SERPINE2: variants seen among roughly 807,000 people sequenced by gnomAD.
The protein encoded by SERPINE2 is glia-derived nexin.
Under a neutral mutation model 36.3 loss-of-function variants are expected in SERPINE2, and 14 were observed. The observed-to-expected ratio is 0.39, with a 90% CI of 0.25 to 0.60. The LOEUF is 0.60. SERPINE2 is among the 20% of genes least tolerant of loss of function. The probability of loss-of-function intolerance (pLI) is 0.57; values close to 1 mark genes in which losing one functional copy is unlikely to be tolerated. For synonymous variants in SERPINE2, 192 were observed against 191.8 expected, an observed-to-expected ratio of 1.00 and a Z score of -0.01; for missense variants, 418 against 499.6, an observed-to-expected ratio of 0.84 and a Z score of 1.56.
chr2:223,975,223 C>T lies in SERPINE2; in HGVS notation c.*644G>A, dbSNP rs1181952144. On this transcript the variant is annotated 3_prime_UTR_variant, in exon 9 of 9. Transcript: ENST00000409304. Reference sequence around the variant, plus strand: ...TACAAAAATGCAAATCCAAGGAGTACAGACCAGTAGTGACAGGCACACTGC... The same window carrying T: ...TACAAAAATGCAAATCCAAGGAGTATAGACCAGTAGTGACAGGCACACTGC... The T allele has an allele frequency of 1.3e-5, 2 of 152,542 alleles. No individual in the cohort carries two copies. Among genetic ancestry groups the T allele is most frequent in the Admixed American group, 6.5e-5 (1 of 15,276 alleles). 9.4% of individuals were successfully genotyped at this position (152,542 alleles called of 1,614,324 possible).
chr2:223,983,707 C>A (rs1348232509), intron 5 of SERPINE2, among the ~76,000 whole-genome samples: 3 of 145,330 alleles, frequency 2.1e-5, no homozygotes, highest in Non-Finnish European at 3.0e-5. Flanking sequence ...CACACACACA[C>A]ACACACACAC....
chr2:223,984,844 C>A lies in SERPINE2; in HGVS notation c.792G>T (p.Pro264=). ...TGATGTGTGGGATGATGGCAGACAGCGGAGTGGAGCTCTCAGTCGGCAGTG... is the reference window on the plus strand; with the variant it reads ...TGATGTGTGGGATGATGGCAGACAGAGGAGTGGAGCTCTCAGTCGGCAGTG... The part of the protein sequence containing the change: ...LIALPTESST[P]LSAIIPHIST... Residue 264 remains proline, a synonymous_variant, in exon 5 of 9, where the codon CCG becomes CCT. Coordinates refer to ENST00000409304, the MANE Select transcript of SERPINE2 (RefSeq NM_001136528.2). The A allele has an allele frequency of 6.2e-7, 1 of 1,614,116 alleles. No homozygotes were observed. The highest frequency in any genetic ancestry group is 2.2e-5 in the East Asian group (1 of 44,890).
Position 223,977,585 on chromosome 2 carries a change from A to G in SERPINE2, c.1115T>C (p.Val372Ala), listed in dbSNP as rs370057042. The change falls in exon 8 of 9, where the codon GTA becomes GCA. Residue 372 changes from valine to alanine, a missense_variant. Coordinates refer to ENST00000409304, the MANE Select transcript of SERPINE2 (RefSeq NM_001136528.2). ...GATGAAAAACAGAAAAGGTCTGTCT[A>G]CTATAAACCAGGGAGGCGATGATCT... ...IARSSPPWFI[V>A]DRPFLFFIRH... 2.7e-5 allele frequency: 44 copies of G among 1,613,544 alleles called. No homozygotes were observed. Among genetic ancestry groups the G allele is most frequent in the South Asian group, 1.8e-4 (16 of 91,078 alleles).
chr2:224,017,058 T>C (rs192977843), intron 1 of SERPINE2, among the ~76,000 whole-genome samples: 193 of 152,296 alleles, frequency 1.3e-3, no homozygotes, highest in Non-Finnish European at 2.3e-3. Flanking sequence ...CCTGTGGTGG[T>C]GCCCACACAA....
At chr2:224,037,285 A>C (rs1319086653) in intron 1 of SERPINE2, among the ~76,000 whole-genome samples, 1 of 152,214 alleles carries the variant, frequency 6.6e-6, no homozygotes, top group Non-Finnish European at 1.5e-5. Flanking sequence ...AATGGGCTAC[A>C]AAGTCACCTG....
chr2:224,036,504 G>C (rs1450487905), intron 1 of SERPINE2, among the ~76,000 whole-genome samples: 2 of 151,814 alleles, frequency 1.3e-5, no homozygotes, highest in African/African-American at 4.8e-5. Flanking sequence ...GTGAGGTAGG[G>C]GAGGGATAGC....
At chr2:223,999,826 T>C (rs1226804084) in intron 2 of SERPINE2, among the ~76,000 whole-genome samples, 3 of 152,206 alleles carry the variant, frequency 2.0e-5, no homozygotes, top group Admixed American at 6.5e-5. Context: ...CGACACAGCC[T>C]GGATCACACT....
intron 1 of SERPINE2, among the ~76,000 whole-genome samples, chr2:224,036,642 T>A (rs1247224937): frequency 1.1e-4 from 15 of 142,668 alleles, no homozygotes; most frequent in Non-Finnish European, 1.7e-4. Context: ...TAATAAAAAT[T>A]AAAAAAAAAA....
chr2:223,979,740 C>G (rs1371188905), intron 7 of SERPINE2: 1 of 152,356 alleles, frequency 6.6e-6, no homozygotes, highest in East Asian at 1.9e-4. Flanking sequence ...TTCGGTTTAT[C>G]CTGGATAGAC....
At chr2:224,016,127 A>G (rs1691791039) in intron 1 of SERPINE2, among the ~76,000 whole-genome samples, 1 of 152,224 alleles carries the variant, frequency 6.6e-6, no homozygotes, top group African/African-American at 2.4e-5. Flanking sequence ...GACAACACCA[A>G]TTGCTGGTGA....
In SERPINE2 at chr2:224,031,512, A is replaced by C. The variant is rs531562562; in HGVS notation, c.-23+7587T>G. On this transcript the variant is annotated intron_variant, in intron 1 of 8. Coordinates refer to ENST00000409304, the MANE Select transcript of SERPINE2 (RefSeq NM_001136528.2). ...GATTTGGGATTCAGCCAATCATAGA[A>C]CCTCCCTCCTCCGCCCACAGCCATT... The C allele has an allele frequency of 2.2e-5, 22 of 984,988 alleles. No homozygotes were observed. In the East Asian group the frequency reaches 1.8e-3, roughly 82 times the overall value. The allele number at this position is 984,988 out of a possible 1,614,324, so 61.0% of individuals were successfully genotyped here.
At chr2:224,001,945 AT>A in intron 1 of SERPINE2, 23 bp from the exon 2 acceptor site, 2 of 1,577,676 alleles carry the variant, frequency 1.3e-6, no homozygotes, top group South Asian at 2.3e-5. Context: ...GTTAAAAAAT[AT>A]TTAAATTATA....
intron 1 of SERPINE2, among the ~76,000 whole-genome samples, chr2:224,029,002 A>G (rs963337310): frequency 6.6e-6 from 1 of 152,232 alleles, no homozygotes; most frequent in Non-Finnish European, 1.5e-5. Context: ...CTATGTCTTC[A>G]TACTTTCCAC....
At chr2:224,036,093 C>T (rs1029304624) in intron 1 of SERPINE2, among the ~76,000 whole-genome samples, 2 of 151,982 alleles carry the variant, frequency 1.3e-5, no homozygotes, top group East Asian at 1.9e-4. Flanking sequence ...TTTTTTTGGC[C>T]TAAAGGGCAC....
intron 1 of SERPINE2, among the ~76,000 whole-genome samples, chr2:224,008,783 AAC>A (rs1354428911): frequency 6.6e-6 from 1 of 152,258 alleles, no homozygotes; most frequent in African/African-American, 2.4e-5. Context: ...AATGCTGAGC[AAC>A]AGTGATAAGG....
intron 3 of SERPINE2, 149 bp from the exon 4 acceptor site, chr2:223,992,149 C>G: frequency 1.5e-6 from 1 of 661,170 alleles, no homozygotes; most frequent in Non-Finnish European, 2.6e-6. Context: ...CCCTTTTGTA[C>G]TTTCTAGGTT....
chr2:224,030,938 T>C, intron 1 of SERPINE2: 1 of 984,888 alleles, frequency 1.0e-6, no homozygotes, highest in Non-Finnish European at 1.2e-6. Context: ...AGGAAGGAAC[T>C]AGGGGGCCAA....
chr2:224,034,904 G>GC (rs1238582006), intron 1 of SERPINE2, among the ~76,000 whole-genome samples: 1 of 152,182 alleles, frequency 6.6e-6, no homozygotes, highest in Non-Finnish European at 1.5e-5. Context: ...AAGCTCAAAA[G>GC]CATCTTCAGA....
In SERPINE2 at chr2:224,001,561, C is replaced by T; in HGVS notation, c.259+81G>A. The T allele has an allele frequency of 1.3e-6, 2 of 1,503,838 alleles. 1 individual carries two copies. Among genetic ancestry groups the T allele is most frequent in the South Asian group, 2.6e-5 (2 of 77,068 alleles). 93.2% of individuals were successfully genotyped at this position (1,503,838 alleles called of 1,614,324 possible). ...TGGCTGCTCTGCTTCTTGGGGTTGT[C>T]AGCAAAAACCAAGCCATAAACCCTC... is the stretch of plus-strand genomic sequence containing the variant. On this transcript the variant is annotated intron_variant, in intron 2 of 8. Coordinates refer to ENST00000409304, the MANE Select transcript of SERPINE2 (RefSeq NM_001136528.2).
Sources: allele counts gnomAD v4.1 joint callset (sites outside exome capture counted in the v4.1 genomes callset), GRCh38; gene constraint gnomAD v4.1.1; transcripts MANE v1.5; gene names NCBI Gene and HGNC (gene_info 2026-07-23, HGNC 2026-07-21).